Variants in GALNT14 observed in about 807,000 individuals in gnomAD.
The protein encoded by GALNT14 is polypeptide N-acetylgalactosaminyltransferase 14.
In GALNT14, 60 loss-of-function variants were observed where a neutral mutation model predicts 77.5. The ratio of observed to expected loss-of-function variants is 0.77; its 90% CI spans 0.63 to 0.96. The LOEUF is 0.96. Among genes scored for constraint, GALNT14 ranks in the 40% least tolerant of loss-of-function variants. The pLI, the probability that GALNT14 is intolerant of heterozygous loss-of-function variation, is 0.00. For synonymous variants in GALNT14, 280 were observed against 281.7 expected, an observed-to-expected ratio of 0.99 and a Z score of 0.06; for missense variants, 710 against 731.0, an observed-to-expected ratio of 0.97 and a Z score of 0.33.
In GALNT14 at chr2:31,138,150, T is replaced by C. The variant is rs1679314661; in HGVS notation, c.-64A>G. The C allele has an allele frequency of 6.2e-7, 1 of 1,609,454 alleles. No homozygotes were observed. The highest frequency in any genetic ancestry group is 1.1e-5 in the South Asian group (1 of 90,804). ...CGGGGGCACCCCCCGGCGGTCAGGG[T>C]TGGCGGGGCAGGAGTCCTGGCGAGC... On this transcript the variant is annotated 5_prime_UTR_variant, in exon 1 of 15. Coordinates refer to ENST00000349752, the MANE Select transcript of GALNT14 (RefSeq NM_024572.4).
At chr2:31,106,812 T>C (rs1470940384) in intron 1 of GALNT14, among the ~76,000 whole-genome samples, 1 of 152,206 alleles carries the variant, frequency 6.6e-6, no homozygotes, top group Non-Finnish European at 1.5e-5. Context: ...ATGATCCTAC[T>C]TTCTTTTTTA....
At chr2:30,932,542 G>C (rs1001359610) in intron 9 of GALNT14, among the ~76,000 whole-genome samples, 16 of 152,246 alleles carry the variant, frequency 1.1e-4, no homozygotes, top group Admixed American at 8.5e-4. Flanking sequence ...CTAACTTGCG[G>C]AAGAATTCAT....
chr2:31,024,370 C>T (rs72855294), intron 1 of GALNT14, among the ~76,000 whole-genome samples: 5,920 of 152,166 alleles, frequency 0.039, 386 homozygotes, highest in African/African-American at 0.13. Flanking sequence ...CAAGTCTTCA[C>T]GGTGGCACAA....
rs1319560787 is a variant in GALNT14, at chr2:30,924,822, C to T, written c.1153G>A (p.Val385Ile). 2 of 1,613,394 alleles carry T rather than the reference C, an allele frequency of 1.2e-6. No homozygotes were observed. The highest frequency in any genetic ancestry group is 1.7e-6 in the Non-Finnish European group (2 of 1,179,724). Reference sequence around the variant, plus strand: ...TTCCTCAGGTCCAATCTGCTCTCAACACTGGGGGCAACGGGGTTGTGGACA... The same window carrying T: ...TTCCTCAGGTCCAATCTGCTCTCAATACTGGGGGCAACGGGGTTGTGGACA... ...PFALERPFGN[V>I]ESRLDLRKNL... is the part of the protein sequence containing the mutation. Residue 385 changes from valine to isoleucine, a missense_variant and splice_region_variant, in exon 12 of 15, where the codon GTT becomes ATT. Coordinates refer to ENST00000349752, the MANE Select transcript of GALNT14 (RefSeq NM_024572.4).
At chr2:30,963,092 G>A (rs369152743) in intron 3 of GALNT14, among the ~76,000 whole-genome samples, 16 of 152,232 alleles carry the variant, frequency 1.1e-4, no homozygotes, top group East Asian at 3.9e-4. Context: ...GTCTGAGCTC[G>A]GGGCTGGCTG....
chr2:31,109,546 T>C (rs566016164), intron 1 of GALNT14, among the ~76,000 whole-genome samples: 63 of 152,322 alleles, frequency 4.1e-4, no homozygotes, highest in African/African-American at 1.0e-3. Flanking sequence ...GCTCGAATTA[T>C]GTCTAATTAG....
At chr2:30,976,948 G>C (rs1333777870) in intron 2 of GALNT14, among the ~76,000 whole-genome samples, 1 of 152,126 alleles carries the variant, frequency 6.6e-6, no homozygotes, top group African/African-American at 2.4e-5. Context: ...GTCACAATGA[G>C]TGAGTGGTGG....
At chr2:30,990,358 G>A (rs1433190407) in intron 2 of GALNT14, among the ~76,000 whole-genome samples, 1 of 152,232 alleles carries the variant, frequency 6.6e-6, no homozygotes, top group African/African-American at 2.4e-5. Context: ...GCAAGCTCCA[G>A]GAATTGCATC....
At chr2:30,930,973 C>T (rs1407615414) in intron 10 of GALNT14, among the ~76,000 whole-genome samples, 2 of 152,252 alleles carry the variant, frequency 1.3e-5, no homozygotes, top group African/African-American at 2.4e-5. Context: ...CCCCTCATTT[C>T]CAGGCCGGCC....
Position 30,924,802 on chromosome 2 carries a change from C to T in GALNT14, c.1173G>A (p.Leu391=), listed in dbSNP as rs1464584682. The change falls in exon 12 of 15, where the codon CTG becomes CTA. Residue 391 remains leucine (L), a synonymous_variant. Coordinates refer to ENST00000349752, the MANE Select transcript of GALNT14 (RefSeq NM_024572.4). ...PFGNVESRLD[L]RKNLRCQSFK... The stretch of plus-strand genomic sequence containing the variant: ...AGCTCTGGCAGCGCAGATTCTTCCT[C>T]AGGTCCAATCTGCTCTCAACACTGG... The T allele has an allele frequency of 6.2e-7, 1 of 1,613,956 alleles. No individual in the cohort carries two copies. Among genetic ancestry groups the T allele is most frequent in the Non-Finnish European group, 8.5e-7 (1 of 1,179,992 alleles).
At chr2:31,051,288 T>C (rs1006901557) in intron 1 of GALNT14, among the ~76,000 whole-genome samples, 4 of 152,234 alleles carry the variant, frequency 2.6e-5, no homozygotes, top group Non-Finnish European at 4.4e-5. Context: ...AGCACCAGTC[T>C]AGATGTTGCT....
intron 1 of GALNT14, among the ~76,000 whole-genome samples, chr2:31,122,837 T>C (rs903748577): frequency 6.6e-6 from 1 of 152,212 alleles, no homozygotes; most frequent in Non-Finnish European, 1.5e-5. Context: ...AACTTGGCCA[T>C]TGTAGCCTAA....
At chr2:30,958,174 T>C (rs529083461) in intron 4 of GALNT14, among the ~76,000 whole-genome samples, 35 of 152,278 alleles carry the variant, frequency 2.3e-4, no homozygotes, top group African/African-American at 8.2e-4. Context: ...AAGAGGGCCT[T>C]AGCTCAGACT....
chr2:31,115,396 C>T (rs1046681086), intron 1 of GALNT14, among the ~76,000 whole-genome samples: 3 of 152,056 alleles, frequency 2.0e-5, no homozygotes, highest in African/African-American at 7.2e-5. Context: ...AACCCACATA[C>T]CCTGTCTCAA....
chr2:31,097,524 C>CAA lies in GALNT14; in HGVS notation c.129+40432_129+40433dup, dbSNP rs56242365. Among the ~76,000 whole-genome samples, 1,091 of 137,280 alleles carry CAA rather than the reference C, an allele frequency of 7.9e-3. 11 individuals are homozygous for CAA. The highest frequency in any genetic ancestry group is 0.012 in the Non-Finnish European group (771 of 62,368). 90.1% of individuals were successfully genotyped at this position (137,280 alleles called of 152,430 possible). ...TCGAGCACCCAAATAAACAAACAAG[C>CAA]AAAAAAAAAAAAAATTGAATGAAAT... On this transcript the variant is annotated intron_variant, in intron 1 of 14. Transcript: ENST00000349752.
chr2:30,947,779 A>G (rs1666789596), intron 6 of GALNT14, among the ~76,000 whole-genome samples: 1 of 152,196 alleles, frequency 6.6e-6, no homozygotes, highest in Non-Finnish European at 1.5e-5. Flanking sequence ...TTTAAACTCT[A>G]GATTCACTGA....
intron 1 of GALNT14, among the ~76,000 whole-genome samples, chr2:31,059,766 A>G (rs1346946608): frequency 6.6e-6 from 1 of 152,244 alleles, no homozygotes; most frequent in East Asian, 1.9e-4. Flanking sequence ...CCCTTCTGCC[A>G]TGTGAAGACA....
the GALNT14 span, among the ~76,000 whole-genome samples, chr2:30,901,435 TACAC>T: frequency 5.3e-5 from 8 of 151,720 alleles, no homozygotes; most frequent in Non-Finnish European, 1.0e-4. Context: ...CCTATATGTA[TACAC>T]ACACACACAA....
At chr2:31,088,875 G>A (rs541311450) in intron 1 of GALNT14, among the ~76,000 whole-genome samples, 4 of 152,282 alleles carry the variant, frequency 2.6e-5, no homozygotes, top group South Asian at 2.1e-4. Flanking sequence ...GAAGATTAGC[G>A]GAGGGGCTGG....
Sources: allele counts gnomAD v4.1 joint callset (sites outside exome capture counted in the v4.1 genomes callset), GRCh38; gene constraint gnomAD v4.1.1; transcripts MANE v1.5; gene names NCBI Gene and HGNC (gene_info 2026-07-23, HGNC 2026-07-21).